The following CHD2 variants were observed in gnomAD, a reference collection of about 807,000 sequenced individuals.
CHD2 encodes the protein ATP-dependent chromatin remodeler CHD2.
Under a neutral mutation model 243.9 loss-of-function variants are expected in CHD2, and 28 were observed. The observed-to-expected ratio is 0.11, with a 90% CI of 0.09 to 0.16. The LOEUF (loss-of-function observed/expected upper bound fraction) is 0.16, where lower values mean the gene tolerates loss of function less well. CHD2 is among the 10% of genes least tolerant of loss of function. The probability of loss-of-function intolerance (pLI) is 1.00; values close to 1 mark genes in which losing one functional copy is unlikely to be tolerated. For synonymous variants in CHD2, 775 were observed against 779.0 expected (o/e 0.99, Z 0.09); for missense variants, 1,386 against 2,209.8 (o/e 0.63, Z 7.47).
chr15:92,985,782 C>G, intron 26 of CHD2, 109 bp downstream of exon 26: 1 of 1,106,326 alleles, frequency 9.0e-7, no homozygotes. Context: ...CTAATACCTA[C>G]AAAAAAGGAA....
At chr15:92,967,822 CTGT>C (rs1424171962) in intron 17 of CHD2, among the ~76,000 whole-genome samples, 2 of 152,066 alleles carry the variant, frequency 1.3e-5, no homozygotes, top group African/African-American at 2.4e-5. Flanking sequence ...AATTTCAATA[CTGT>C]TGTTATGTCT....
chr15:93,011,020 T>A (rs1480350399), intron 35 of CHD2, among the ~76,000 whole-genome samples: 1 of 152,222 alleles, frequency 6.6e-6, no homozygotes, highest in Non-Finnish European at 1.5e-5. Flanking sequence ...ATGGTACTTT[T>A]TTTTCCGCTT....
At position 92,998,456 on chromosome 15, in the gene CHD2, G is replaced by C. The variant is rs1249089469; in HGVS notation, c.3886-43G>C. 6.2e-7 allele frequency: 1 copy of C among 1,612,272 alleles called. No homozygotes were observed. Among genetic ancestry groups the C allele is most frequent in the Non-Finnish European group, 8.5e-7 (1 of 1,178,866 alleles). On this transcript the variant is annotated intron_variant, in intron 30 of 38. Coordinates refer to ENST00000394196, the MANE Select transcript of CHD2 (RefSeq NM_001271.4). This position sits in a 1 kb window ranked among gnomAD's most constrained non-coding sequence, Gnocchi z 5.1. ...CTGTTTATCCTGATCCACTAACCAG[G>C]ATGTGGGTGGTGGCGGGTGCTTCTC...
rs145397870 is a variant in CHD2, at chr15:93,005,292, G to C, written c.4413+541G>C. ...TGTGTAAGGAAGTGATGTTTGAGTT[G>C]GGTTCTGAAGGAAGAATAAAAGGTA... is the stretch of plus-strand genomic sequence containing the variant. On this transcript the variant is annotated intron_variant, in intron 34 of 38. Transcript: ENST00000394196. 4.4e-3 allele frequency among the ~76,000 whole-genome samples: 669 copies of C among 152,232 alleles called. 2 individuals are homozygous for C. The highest frequency in any genetic ancestry group is 7.1e-3 in the Non-Finnish European group (486 of 68,014).
At chr15:92,989,392 C>T (rs1412698301) in intron 26 of CHD2, among the ~76,000 whole-genome samples, 5 of 152,132 alleles carry the variant, frequency 3.3e-5, no homozygotes, top group African/African-American at 7.2e-5. Context: ...CATTTTAAAT[C>T]ATATGGCAAC....
Position 93,020,335 on chromosome 15 carries a change from G to A in CHD2, c.5153+77G>A, listed in dbSNP as rs760100823. On this transcript the variant is annotated intron_variant, in intron 38 of 38. Transcript: ENST00000394196. ...TCTAGGGAGAAAGTGACGTATACAT[G>A]AATGTATTTATCTATCAAATTACTG... is the stretch of plus-strand genomic sequence containing the variant. 3 of 1,544,702 alleles carry A rather than the reference G, an allele frequency of 1.9e-6. No individual in the cohort carries two copies. Among genetic ancestry groups the A allele is most frequent in the Non-Finnish European group, 2.7e-6 (3 of 1,120,376 alleles).
In CHD2 at chr15:92,997,043, G is replaced by A; in HGVS notation, c.3682G>A (p.Glu1228Lys). 1 of 1,613,760 alleles carries A rather than the reference G, an allele frequency of 6.2e-7. No homozygotes were observed. The highest frequency in any genetic ancestry group is 8.5e-7 in the Non-Finnish European group (1 of 1,179,912). ...NVKSIIQHEE[E>K]FEMLHKSIPV... ...GAAATCCATTATCCAACATGAAGAG[G>A]AGTTTGAGATGCTGCATAAATCTAT... The change falls in exon 29 of 39, where the codon GAG becomes AAG. Residue 1228 changes from glutamate to lysine, a missense_variant. By Grantham distance (56) the Glu-to-Lys change is moderately conservative. Transcript: ENST00000394196. The surrounding 1 kb of genome is among the most constrained non-coding windows in gnomAD (Gnocchi z 4.1).
At chr15:92,954,982 T>C (rs1053399807) in intron 14 of CHD2, among the ~76,000 whole-genome samples, 21 of 152,218 alleles carry the variant, frequency 1.4e-4, no homozygotes, top group African/African-American at 2.4e-4. Flanking sequence ...GGGGGACATA[T>C]CTCTTTGGTC....
In CHD2 at chr15:92,910,828, A is replaced by G. The variant is rs534406815; in HGVS notation, c.62+9529A>G. Among the ~76,000 whole-genome samples, 3 of 152,344 alleles carry G rather than the reference A, an allele frequency of 2.0e-5. No individual in the cohort carries two copies. The South Asian group carries it at 6.2e-4, about 32-fold the overall frequency. On this transcript the variant is annotated intron_variant, in intron 2 of 38. Transcript: ENST00000394196. ...ATGTGTTGCTTAGCAATGGAGATACATTCTGAGAAGTATGTCGTTAGGTGA... is the reference window on the plus strand; with the variant it reads ...ATGTGTTGCTTAGCAATGGAGATACGTTCTGAGAAGTATGTCGTTAGGTGA...
In CHD2 at chr15:92,908,896, A is replaced by T. The variant is rs141382830; in HGVS notation, c.62+7597A>T. ...CAGTTTGGGAGGCCCAGGCAGGCGG[A>T]TCACTTGAGGTAGGGAGTTCGAGAA... On this transcript the variant is annotated intron_variant, in intron 2 of 38. Transcript: ENST00000394196. Among the ~76,000 whole-genome samples the T allele has an allele frequency of 7.3e-3, 1,108 of 152,230 alleles. 15 individuals are homozygous for T. The highest frequency in any genetic ancestry group is 0.026 in the African/African-American group (1,071 of 41,540).
At chr15:92,955,165 A>G (rs926850113) in intron 14 of CHD2, among the ~76,000 whole-genome samples, 2 of 152,190 alleles carry the variant, frequency 1.3e-5, no homozygotes, top group Admixed American at 1.3e-4. Flanking sequence ...CATTTTCTTC[A>G]GTAGATGTAT....
chr15:92,913,235 TCTG>T (rs2052773611), intron 2 of CHD2, among the ~76,000 whole-genome samples: 1 of 152,232 alleles, frequency 6.6e-6, no homozygotes, highest in African/African-American at 2.4e-5. Flanking sequence ...TTCGATCTTT[TCTG>T]TTCTGTTCTG....
chr15:92,934,281 T>G (rs1216135627), intron 5 of CHD2, among the ~76,000 whole-genome samples: 1 of 152,240 alleles, frequency 6.6e-6, no homozygotes, highest in East Asian at 1.9e-4. Context: ...GGAAGAAAAC[T>G]ATACACATTT....
At chr15:92,977,918 T>C (rs2053930743) in intron 20 of CHD2, among the ~76,000 whole-genome samples, 1 of 152,194 alleles carries the variant, frequency 6.6e-6, no homozygotes, top group Non-Finnish European at 1.5e-5. Context: ...TGATAATTGT[T>C]TGTCTGTTTT....
At position 92,904,403 on chromosome 15, in the gene CHD2, G is replaced by T. The variant is rs542964584; in HGVS notation, c.62+3104G>T. The T allele has an allele frequency of 5.9e-4, 564 of 963,174 alleles. 3 individuals are homozygous for T. The African/African-American group carries it at 9.1e-3, about 16-fold the overall frequency. The allele number at this position is 963,174 out of a possible 1,614,324, so 59.7% of individuals were successfully genotyped here. ...CCCGTGACGTCAGACGGCTCCCCTG[G>T]GGGGCGGGGAGAGAACGCAGTGACG... On this transcript the variant is annotated intron_variant, in intron 2 of 38. Coordinates refer to ENST00000394196, the MANE Select transcript of CHD2 (RefSeq NM_001271.4).
intron 2 of CHD2, among the ~76,000 whole-genome samples, chr15:92,923,378 A>G (rs2052996171): frequency 6.6e-6 from 1 of 151,700 alleles, no homozygotes; most frequent in African/African-American, 2.4e-5. Flanking sequence ...CTCCCACCTG[A>G]GTTTCCCGAG....
chr15:92,971,690 C>T lies in CHD2; in HGVS notation c.2190-75C>T, dbSNP rs976331432. 4.4e-6 allele frequency: 6 copies of T among 1,368,894 alleles called. No homozygotes were observed. In the Admixed American group the frequency reaches 1.4e-4, roughly 31 times the overall value. 84.8% of individuals were successfully genotyped at this position (1,368,894 alleles called of 1,614,324 possible). ...TTTTTCTCCACAATACTACTACTAT[C>T]TCTTATACTCTTCTGGTACCTACAA... On this transcript the variant is annotated intron_variant, in intron 17 of 38. Coordinates refer to ENST00000394196, the MANE Select transcript of CHD2 (RefSeq NM_001271.4).
At chr15:92,929,833 A>G (rs961050321) in intron 5 of CHD2, among the ~76,000 whole-genome samples, 7 of 152,164 alleles carry the variant, frequency 4.6e-5, no homozygotes, top group Non-Finnish European at 1.0e-4. Flanking sequence ...AGCTCTAGGT[A>G]CATATGCTCT....
At chr15:92,999,011 G>A (rs2054218922) in intron 31 of CHD2, among the ~76,000 whole-genome samples, 1 of 143,920 alleles carries the variant, frequency 6.9e-6, no homozygotes, top group Admixed American at 7.5e-5. Flanking sequence ...GTGAACCCGG[G>A]AGGCGGAGCT....
Sources: allele counts gnomAD v4.1 joint callset (sites outside exome capture counted in the v4.1 genomes callset), GRCh38; gene constraint gnomAD v4.1.1; non-coding constraint Gnocchi (gnomAD v3.1); transcripts MANE v1.5; gene names NCBI Gene and HGNC (gene_info 2026-07-23, HGNC 2026-07-21).